Variants in SUPT3H observed in about 807,000 individuals in gnomAD.
SUPT3H encodes transcription initiation protein SPT3 homolog.
Under a neutral mutation model 44.3 loss-of-function variants are expected in SUPT3H, and 44 were observed. The ratio of observed to expected loss-of-function variants is 0.99; its 90% CI spans 0.78 to 1.28. The LOEUF is 1.28. Ranked by LOEUF, SUPT3H falls within the 50% of genes most tolerant of loss-of-function variation. SUPT3H has a pLI of 0.00. For missense variants in SUPT3H, 380 were observed against 387.1 expected, an observed-to-expected ratio of 0.98 and a Z score of 0.15; for synonymous variants, 124 against 125.6, an observed-to-expected ratio of 0.99 and a Z score of 0.09.
intron 3 of SUPT3H, among the ~76,000 whole-genome samples, chr6:45,044,109 T>G (rs1789003490): frequency 6.6e-6 from 1 of 152,206 alleles, no homozygotes; most frequent in Non-Finnish European, 1.5e-5. Flanking sequence ...CTAATGCTGC[T>G]AATAAAATAG....
In SUPT3H at chr6:44,983,269, A is replaced by G. The variant is rs536243022; in HGVS notation, c.504+20384T>C. Among the ~76,000 whole-genome samples, 4 of 152,264 alleles carry G rather than the reference A, an allele frequency of 2.6e-5. No homozygotes were observed. In the East Asian group the frequency reaches 7.7e-4, roughly 29 times the overall value. On this transcript the variant is annotated intron_variant, in intron 6 of 10. Coordinates refer to ENST00000371459, the MANE Select transcript of SUPT3H (RefSeq NM_003599.4). ...GTCTATACAGGGTGACTTGTTAGGT[A>G]AAAGTGGACATTCTAGATTACAAGA...
intron 1 of SUPT3H, among the ~76,000 whole-genome samples, chr6:45,374,166 CTGAAA>C (rs1166842775): frequency 1.3e-5 from 2 of 152,122 alleles, no homozygotes; most frequent in African/African-American, 2.4e-5. Context: ...AATACCTTAA[CTGAAA>C]TGACAAAAGA....
intron 1 of SUPT3H, among the ~76,000 whole-genome samples, chr6:45,376,484 AT>A (rs1193094313): frequency 6.6e-6 from 1 of 152,246 alleles, no homozygotes; most frequent in Non-Finnish European, 1.5e-5. Context: ...CACTTATCAC[AT>A]TTCAAGTGCT....
At chr6:45,237,593 C>T (rs1413817784) in intron 2 of SUPT3H, among the ~76,000 whole-genome samples, 1 of 152,104 alleles carries the variant, frequency 6.6e-6, no homozygotes, top group African/African-American at 2.4e-5. Context: ...AGACAAAGTT[C>T]CCGCCAAGGT....
chr6:44,864,483 C>G (rs1026974628), intron 10 of SUPT3H, among the ~76,000 whole-genome samples: 1 of 152,208 alleles, frequency 6.6e-6, no homozygotes, highest in African/African-American at 2.4e-5. Flanking sequence ...AGAGCCCCAC[C>G]CCTGCAGCAA....
intron 10 of SUPT3H, among the ~76,000 whole-genome samples, chr6:44,899,579 T>C (rs613948): frequency 2.0e-5 from 3 of 151,898 alleles, no homozygotes; most frequent in Non-Finnish European, 4.4e-5. Flanking sequence ...CCCAGTTACA[T>C]GGGAGGCTGA....
At chr6:45,013,810 G>A (rs534184561) in intron 5 of SUPT3H, among the ~76,000 whole-genome samples, 35 of 152,166 alleles carry the variant, frequency 2.3e-4, no homozygotes, top group Admixed American at 5.2e-4. Context: ...AAGAACTGGA[G>A]GGGCAAGCTA....
At chr6:45,326,060 T>C (rs1008194781) in intron 2 of SUPT3H, among the ~76,000 whole-genome samples, 6 of 151,608 alleles carry the variant, frequency 4.0e-5, no homozygotes, top group Non-Finnish European at 7.4e-5. Flanking sequence ...TGCAGGAGGA[T>C]TACCTGCAAA....
intron 3 of SUPT3H, among the ~76,000 whole-genome samples, chr6:45,064,986 C>T (rs1364922916): frequency 6.6e-6 from 1 of 150,944 alleles, no homozygotes; most frequent in Non-Finnish European, 1.5e-5. Flanking sequence ...GAACTCTCCA[C>T]CCCAAAACAA....
chr6:45,333,954 T>C (rs562155442), intron 2 of SUPT3H, among the ~76,000 whole-genome samples: 2 of 151,252 alleles, frequency 1.3e-5, no homozygotes, highest in South Asian at 2.1e-4. Flanking sequence ...ATCTCTGACA[T>C]ATATACATAC....
At chr6:44,902,826 C>T (rs1362952779) in intron 10 of SUPT3H, among the ~76,000 whole-genome samples, 1 of 152,158 alleles carries the variant, frequency 6.6e-6, no homozygotes, top group Non-Finnish European at 1.5e-5. Flanking sequence ...TTATAACAAA[C>T]TGTCTCTCAG....
At chr6:44,820,846 G>C (rs1414647034) in intron 11 of SUPT3H, among the ~76,000 whole-genome samples, 2 of 152,130 alleles carry the variant, frequency 1.3e-5, no homozygotes, top group African/African-American at 4.8e-5. Context: ...AGGTCTTATA[G>C]AGAAAGTGAT....
chr6:45,285,416 T>C (rs1162152766), intron 2 of SUPT3H, among the ~76,000 whole-genome samples: 1 of 152,172 alleles, frequency 6.6e-6, no homozygotes, highest in African/African-American at 2.4e-5. Context: ...AAAATCAATG[T>C]GCAAAAATCA....
intron 2 of SUPT3H, among the ~76,000 whole-genome samples, chr6:45,302,081 A>G (rs188387341): frequency 5.3e-5 from 8 of 152,276 alleles, no homozygotes; most frequent in Non-Finnish European, 1.0e-4. Flanking sequence ...CTCTGCGTCA[A>G]TTGTATGAGG....
chr6:45,127,019 T>TA (rs1802541473), intron 2 of SUPT3H, among the ~76,000 whole-genome samples: 2 of 152,090 alleles, frequency 1.3e-5, no homozygotes, highest in African/African-American at 4.8e-5. Context: ...TTATTAATAA[T>TA]AAAAAATAAC....
chr6:44,925,979 C>T (rs1275184291), intron 10 of SUPT3H, among the ~76,000 whole-genome samples: 2 of 152,122 alleles, frequency 1.3e-5, no homozygotes, highest in Non-Finnish European at 2.9e-5. Context: ...TGAGGCCCTT[C>T]CTCAATATTG....
At chr6:44,917,427 A>G (rs896259161) in intron 10 of SUPT3H, among the ~76,000 whole-genome samples, 1 of 152,036 alleles carries the variant, frequency 6.6e-6, no homozygotes, top group Non-Finnish European at 1.5e-5. Context: ...GTGTGTACAT[A>G]TATGTTTTTA....
Position 45,024,990 on chromosome 6 carries a change from T to C in SUPT3H, c.187-4358A>G, listed in dbSNP as rs144471379. Among the ~76,000 whole-genome samples the C allele has an allele frequency of 2.2e-3, 331 of 152,354 alleles. 1 individual carries two copies. The highest frequency in any genetic ancestry group is 7.6e-3 in the African/African-American group (317 of 41,580). Reference sequence around the variant, plus strand: ...CTAAACATCTACACATTGGCTTTCCTGGGTCTCCAGCTTGCCAAATGAAGA... The same window carrying C: ...CTAAACATCTACACATTGGCTTTCCCGGGTCTCCAGCTTGCCAAATGAAGA... On this transcript the variant is annotated intron_variant, in intron 3 of 10. Transcript: ENST00000371459.
intron 10 of SUPT3H, among the ~76,000 whole-genome samples, chr6:44,918,866 C>G (rs987147844): frequency 6.6e-6 from 1 of 152,138 alleles, no homozygotes; most frequent in Non-Finnish European, 1.5e-5. Context: ...GTACAAAAAC[C>G]TTTCACAGAA....
Sources: gnomAD v4.1 joint callset for allele counts (sites outside exome capture counted in the v4.1 genomes callset) on GRCh38, gnomAD v4.1.1 for gene constraint, MANE v1.5 for transcripts, NCBI Gene and HGNC (gene_info 2026-07-23, HGNC 2026-07-21) for gene names.